Variants in SLIT2 observed in about 807,000 individuals in gnomAD.
SLIT2 encodes the protein slit guidance ligand 2, also known as slit homolog 2 protein.
Under a neutral mutation model 185.7 loss-of-function variants are expected in SLIT2, and 41 were observed. That is an observed-to-expected ratio of 0.22 (90% confidence interval 0.17 to 0.29). The LOEUF (loss-of-function observed/expected upper bound fraction) is 0.29, where lower values mean the gene tolerates loss of function less well. Ranked by LOEUF, SLIT2 falls within the 10% of genes least tolerant of loss-of-function variation. The pLI, the probability that SLIT2 is intolerant of heterozygous loss-of-function variation, is 1.00. For missense variants in SLIT2, 1,571 were observed against 1,909.0 expected (o/e 0.82, Z 3.30); for synonymous variants, 693 against 680.2 (o/e 1.02, Z -0.29).
At chr4:20,598,474 G>C in intron 33 of SLIT2, 79 bp downstream of exon 33, 1 of 1,520,838 alleles carries the variant, frequency 6.6e-7, no homozygotes, top group African/African-American at 1.4e-5. Flanking sequence ...ATTTTATTAT[G>C]GAGAGGAGAG....
At chr4:20,294,102 G>T (rs1577383321) in intron 4 of SLIT2, among the ~76,000 whole-genome samples, 1 of 151,866 alleles carries the variant, frequency 6.6e-6, no homozygotes, top group African/African-American at 2.4e-5. Flanking sequence ...AATCCCAGCA[G>T]TTTGGGAGGC....
At chr4:20,614,410 GTTGATTGATTGATTGGCTGA>G (rs1007906741) in intron 34 of SLIT2, among the ~76,000 whole-genome samples, 2 of 152,080 alleles carry the variant, frequency 1.3e-5, no homozygotes, top group African/African-American at 4.8e-5. Context: ...TTATCTGTTG[GTTGATTGATTGATTGGCTGA>G]TTGATTGAAT....
intron 4 of SLIT2, among the ~76,000 whole-genome samples, chr4:20,377,793 C>T (rs973619299): frequency 1.3e-5 from 2 of 152,110 alleles, no homozygotes; most frequent in Non-Finnish European, 2.9e-5. Flanking sequence ...AGACTGCTCC[C>T]CTTAGTCCTG....
chr4:20,317,690 G>C (rs1459407076), intron 4 of SLIT2, among the ~76,000 whole-genome samples: 1 of 152,022 alleles, frequency 6.6e-6, no homozygotes, highest in African/African-American at 2.4e-5. Flanking sequence ...GCTTGTTCCT[G>C]TCAGTAACTG....
chr4:20,555,060 C>T (rs1000669237), intron 26 of SLIT2, among the ~76,000 whole-genome samples: 6 of 151,776 alleles, frequency 4.0e-5, no homozygotes, highest in South Asian at 2.1e-4. Context: ...TGAGCCACCA[C>T]GCCTGGCCAG....
At position 20,313,664 on chromosome 4, in the gene SLIT2, A is replaced by G. The variant is rs562364534; in HGVS notation, c.395+44783A>G. 2.4e-3 allele frequency among the ~76,000 whole-genome samples: 372 copies of G among 152,204 alleles called. 2 individuals are homozygous for G. Among genetic ancestry groups the G allele is most frequent in the Middle Eastern group, 0.024 (7 of 294 alleles). ...CACCAGGGACTGGTTTTTGGAAGAC[A>G]GTTTTTCTATGGAATGGGTGGGGGA... On this transcript the variant is annotated intron_variant, in intron 4 of 36. Coordinates refer to ENST00000504154, the MANE Select transcript of SLIT2 (RefSeq NM_004787.4).
intron 4 of SLIT2, among the ~76,000 whole-genome samples, chr4:20,413,597 T>C (rs1007192995): frequency 1.3e-5 from 2 of 152,054 alleles, no homozygotes; most frequent in Non-Finnish European, 2.9e-5. Flanking sequence ...GTGTGGCCAC[T>C]CTTGCTTTTT....
At chr4:20,272,108 G>C (rs1032068380) in intron 4 of SLIT2, among the ~76,000 whole-genome samples, 6 of 152,030 alleles carry the variant, frequency 3.9e-5, no homozygotes, top group African/African-American at 1.5e-4. Flanking sequence ...TAGGAGACTA[G>C]TTTAAATAGC....
At chr4:20,429,227 G>A (rs1577641393) in intron 4 of SLIT2, among the ~76,000 whole-genome samples, 1 of 151,830 alleles carries the variant, frequency 6.6e-6, no homozygotes. Context: ...GAGTTTATCG[G>A]TTCCTCTGCT....
intron 18 of SLIT2, among the ~76,000 whole-genome samples, chr4:20,535,990 C>T (rs915048985): frequency 1.3e-4 from 20 of 152,174 alleles, no homozygotes; most frequent in Admixed American, 3.9e-4. Context: ...GCCTATTGCT[C>T]CTGGGCTACA....
intron 4 of SLIT2, among the ~76,000 whole-genome samples, chr4:20,276,658 A>T: frequency 6.6e-6 from 1 of 152,222 alleles, no homozygotes; most frequent in East Asian, 1.9e-4. Context: ...TGGAAAAAAT[A>T]GCTTTGCCCC....
In SLIT2 at chr4:20,533,633, G is replaced by A. The variant is rs1371073257; in HGVS notation, c.1750G>A (p.Val584Ile). The change falls in exon 18 of 37, where the codon GTA (valine) becomes ATA (isoleucine). Residue 584 changes from valine (V) to isoleucine (I), a missense_variant. Transcript: ENST00000504154. ...EEGAFEGASG[V>I]NEILLTSNRL... ...GGGAGCATTTGAAGGAGCATCTGGT[G>A]TAAATGAAATACTTCTTACGAGTAA... 3 of 1,611,530 alleles carry A rather than the reference G, an allele frequency of 1.9e-6. No homozygotes were observed. The highest frequency in any genetic ancestry group is 1.7e-5 in the Admixed American group (1 of 60,022).
At chr4:20,482,961 A>C (rs1407121166) in intron 6 of SLIT2, among the ~76,000 whole-genome samples, 1 of 151,952 alleles carries the variant, frequency 6.6e-6, no homozygotes, top group Non-Finnish European at 1.5e-5. Flanking sequence ...AATACAACAA[A>C]AGTTTACCTA....
chr4:20,491,183 C>T (rs1490715341), intron 8 of SLIT2, among the ~76,000 whole-genome samples: 1 of 152,166 alleles, frequency 6.6e-6, no homozygotes, highest in East Asian at 1.9e-4. Flanking sequence ...TGACTTTATA[C>T]AAATTATTAT....
At chr4:20,277,733 T>G (rs1714309298) in intron 4 of SLIT2, among the ~76,000 whole-genome samples, 1 of 147,526 alleles carries the variant, frequency 6.8e-6, no homozygotes, top group Non-Finnish European at 1.5e-5. Context: ...GATGAAAGAT[T>G]TTCATCATGA....
intron 5 of SLIT2, among the ~76,000 whole-genome samples, chr4:20,478,059 A>T (rs1312760974): frequency 6.6e-6 from 1 of 152,220 alleles, no homozygotes; most frequent in Non-Finnish European, 1.5e-5. Context: ...TAGTTTTGAC[A>T]CTGTTTATCT....
chr4:20,505,801 A>G (rs1255550515), intron 9 of SLIT2, among the ~76,000 whole-genome samples: 2 of 152,074 alleles, frequency 1.3e-5, no homozygotes, highest in South Asian at 2.1e-4. Context: ...AATTTTTGAA[A>G]TAGACACCAG....
At chr4:20,283,520 T>A (rs1042957581) in intron 4 of SLIT2, among the ~76,000 whole-genome samples, 10 of 152,098 alleles carry the variant, frequency 6.6e-5, no homozygotes, top group Non-Finnish European at 1.5e-5. Context: ...ATGGAAGAAA[T>A]GATTATAAAT....
intron 4 of SLIT2, among the ~76,000 whole-genome samples, chr4:20,281,918 G>A (rs150174638): frequency 3.0e-4 from 45 of 152,280 alleles, no homozygotes; most frequent in Admixed American, 5.2e-4. Flanking sequence ...AAGAGTTTTC[G>A]TCTAACGAGG....
Sources: gnomAD v4.1 joint callset for allele counts (sites outside exome capture counted in the v4.1 genomes callset) on GRCh38, gnomAD v4.1.1 for gene constraint, MANE v1.5 for transcripts, NCBI Gene and HGNC (gene_info 2026-07-23, HGNC 2026-07-21) for gene names.